Variants in DSTN observed in about 807,000 individuals in gnomAD.
The protein encoded by DSTN is destrin.
Under a neutral mutation model 16.8 loss-of-function variants are expected in DSTN, and 10 were observed. That is an observed-to-expected ratio of 0.60 (90% CI 0.37 to 1.01). The LOEUF is 1.01. Ranked by LOEUF, DSTN falls within the 50% of genes least tolerant of loss-of-function variation. DSTN has a pLI of 0.01. For synonymous variants in DSTN, 57 were observed against 58.9 expected (o/e 0.97, Z 0.14); for missense variants, 141 against 196.7 (o/e 0.72, Z 1.69).
At chr20:17,591,601 T>C (rs903809096) in intron 1 of DSTN, among the ~76,000 whole-genome samples, 7 of 152,238 alleles carry the variant, frequency 4.6e-5, no homozygotes, top group Non-Finnish European at 1.0e-4. Flanking sequence ...TTAGTGATCA[T>C]CACCTGAAGC....
chr20:17,604,528 T>C (rs577506936), intron 2 of DSTN, 27 bp from the exon 3 acceptor site: 49 of 1,599,450 alleles, frequency 3.1e-5, no homozygotes, highest in South Asian at 1.4e-4. Context: ...AAACCACTTT[T>C]TTCATTTTTG....
intron 1 of DSTN, among the ~76,000 whole-genome samples, chr20:17,592,429 C>CAAAAA (rs35327345): frequency 9.1e-6 from 1 of 109,532 alleles, no homozygotes; most frequent in African/African-American, 3.2e-5. Flanking sequence ...GACCTTGTCT[C>CAAAAA]AAAAAAAAAA....
chr20:17,603,374 C>A (rs547250925), intron 2 of DSTN, among the ~76,000 whole-genome samples: 2 of 152,100 alleles, frequency 1.3e-5, no homozygotes, highest in Non-Finnish European at 2.9e-5. Flanking sequence ...CCTCAAATAA[C>A]GTCATTTCTT....
intron 2 of DSTN, 61 bp from the exon 3 acceptor site, chr20:17,604,493 AC>A: frequency 6.6e-7 from 1 of 1,505,876 alleles, no homozygotes; most frequent in South Asian, 1.2e-5. Context: ...CAAATGTTTA[AC>A]AAGTTGCAAG....
intron 1 of DSTN, among the ~76,000 whole-genome samples, chr20:17,589,472 T>G (rs1304216276): frequency 1.3e-5 from 2 of 152,220 alleles, no homozygotes; most frequent in East Asian, 1.9e-4. Context: ...CCCAAAATTT[T>G]GGGATTACAG....
intron 2 of DSTN, among the ~76,000 whole-genome samples, chr20:17,604,092 G>A (rs145235640): frequency 5.3e-5 from 8 of 152,134 alleles, no homozygotes; most frequent in East Asian, 1.9e-4. Flanking sequence ...TGGGTCACAC[G>A]TACTTACGGA....
chr20:17,593,952 C>T (rs1461790227), intron 1 of DSTN, among the ~76,000 whole-genome samples: 9 of 151,888 alleles, frequency 5.9e-5, no homozygotes, highest in African/African-American at 1.9e-4. Context: ...CATGGTGGCA[C>T]GTGCTTATAG....
intron 2 of DSTN, among the ~76,000 whole-genome samples, chr20:17,603,966 A>T (rs2122210519): frequency 6.6e-6 from 1 of 152,362 alleles, no homozygotes; most frequent in East Asian, 1.9e-4. Flanking sequence ...GGGAAGTCTA[A>T]GAAAAGGACT....
At chr20:17,577,475 G>A (rs1707333354) in intron 1 of DSTN, among the ~76,000 whole-genome samples, 1 of 151,984 alleles carries the variant, frequency 6.6e-6, no homozygotes, top group Non-Finnish European at 1.5e-5. Flanking sequence ...GTTGAGGCGG[G>A]AGAATTGCTT....
At chr20:17,604,362 AT>A (rs1485925949) in intron 2 of DSTN, among the ~76,000 whole-genome samples, 192 bp from the exon 3 acceptor site, 1 of 152,178 alleles carries the variant, frequency 6.6e-6, no homozygotes, top group Non-Finnish European at 1.5e-5. Flanking sequence ...AACCTGAGTG[AT>A]TCTGCATATG....
chr20:17,580,135 G>A (rs962972625), intron 1 of DSTN, among the ~76,000 whole-genome samples: 105 of 152,266 alleles, frequency 6.9e-4, no homozygotes, highest in African/African-American at 2.3e-3. Context: ...TGGAATCATT[G>A]TATATAATCA....
intron 1 of DSTN, among the ~76,000 whole-genome samples, chr20:17,589,553 G>T (rs1235519412): frequency 6.6e-6 from 1 of 152,198 alleles, no homozygotes; most frequent in Non-Finnish European, 1.5e-5. Flanking sequence ...ACACTTCTGT[G>T]AAGCAGAAAT....
At chr20:17,577,423 C>T (rs2122164189) in intron 1 of DSTN, among the ~76,000 whole-genome samples, 1 of 152,182 alleles carries the variant, frequency 6.6e-6, no homozygotes, top group East Asian at 1.9e-4. Flanking sequence ...CAAAATTAGC[C>T]AGGCATGGTG....
chr20:17,596,861 T>G, intron 1 of DSTN: 1 of 927,838 alleles, frequency 1.1e-6, no homozygotes, highest in Non-Finnish European at 1.3e-6. Context: ...ACTTTGTTTT[T>G]GATTACTAGT....
chr20:17,581,128 A>G (rs1197017386), intron 1 of DSTN, among the ~76,000 whole-genome samples: 1 of 152,138 alleles, frequency 6.6e-6, no homozygotes, highest in Admixed American at 6.5e-5. Flanking sequence ...GGAGCGAGAT[A>G]TGATTTATCC....
intron 1 of DSTN, among the ~76,000 whole-genome samples, chr20:17,590,077 A>G (rs759019914): frequency 2.0e-5 from 3 of 152,216 alleles, no homozygotes; most frequent in African/African-American, 4.8e-5. Flanking sequence ...GCTGTAAGCT[A>G]TCATTGCATT....
intron 2 of DSTN, 75 bp from the exon 3 acceptor site, chr20:17,604,480 A>C: frequency 6.9e-7 from 1 of 1,439,092 alleles, no homozygotes; most frequent in Non-Finnish European, 9.5e-7. Context: ...ATGTTTACAC[A>C]AGCAAATGTT....
At chr20:17,594,344 GC>G (rs2035502487) in intron 1 of DSTN, among the ~76,000 whole-genome samples, 2 of 152,166 alleles carry the variant, frequency 1.3e-5, no homozygotes, top group East Asian at 1.9e-4. Context: ...GGGTTGGGCA[GC>G]CTTCTCCTAT....
chr20:17,601,939 C>CA, intron 2 of DSTN, among the ~76,000 whole-genome samples: 1 of 141,542 alleles, frequency 7.1e-6, no homozygotes, highest in East Asian at 2.0e-4. Context: ...TGATTTTTTT[C>CA]TTTTTTTTTT....
Sources: allele counts gnomAD v4.1 joint callset (sites outside exome capture counted in the v4.1 genomes callset), GRCh38; gene constraint gnomAD v4.1.1; transcripts MANE v1.5; gene names NCBI Gene and HGNC (gene_info 2026-07-23, HGNC 2026-07-21).